Variants in POU3F3 observed in about 807,000 individuals in gnomAD.
POU3F3 encodes the protein POU domain, class 3, transcription factor 3.
In POU3F3, 1 loss-of-function variant was observed where a neutral mutation model predicts 8.6. The observed-to-expected ratio is 0.12, with a 90% CI of 0.04 to 0.55. The LOEUF (loss-of-function observed/expected upper bound fraction) is 0.55. Among genes scored for constraint, POU3F3 ranks in the 20% least tolerant of loss-of-function variants. POU3F3 has a pLI of 0.91. For missense variants in POU3F3, 577 were observed against 690.7 expected (o/e 0.84, Z 1.84); for synonymous variants, 418 against 327.4 (o/e 1.28, Z -2.99).
At chr2:104,858,621 T>C (rs1458853248), downstream of POU3F3, 6 of 152,232 alleles carry the variant, frequency 3.9e-5, no homozygotes, top group Admixed American at 3.9e-4. Context: ...AAAAGAGTTC[T>C]TTAAGAAATA....
rs1416914988 is a variant in POU3F3 at position 104,855,649 on chromosome 2, G to A, written c.139G>A (p.Gly47Arg). 18 of 1,000,150 alleles carry A rather than the reference G, an allele frequency of 1.8e-5. No individual in the cohort carries two copies. Among genetic ancestry groups the A allele is most frequent in the Non-Finnish European group, 2.1e-5 (18 of 839,306 alleles). 62.0% of individuals were successfully genotyped at this position (1,000,150 alleles called of 1,614,324 possible). ...GGGGGGGAGG[G>R]GGGMQPGSAA... ...CGGCGGCGGGGGCGGCGCAGGGGGCGGGGGCGGCGGCATGCAGCCGGGCAG... is the reference window on the plus strand; with the variant it reads ...CGGCGGCGGGGGCGGCGCAGGGGGCAGGGGCGGCGGCATGCAGCCGGGCAG... Residue 47 changes from glycine to arginine, a missense_variant, in exon 1 of 1, where the codon GGG (glycine) becomes AGG (arginine). Coordinates refer to ENST00000361360, the MANE Select transcript of POU3F3 (RefSeq NM_006236.3).
At chr2:104,872,738 G>A in the POU3F3 span, 4 of 204,822 alleles carry the variant, frequency 2.0e-5, no homozygotes, top group Non-Finnish European at 3.9e-5. The surrounding 1 kb of genome is among the most constrained non-coding windows in gnomAD (Gnocchi z 4.6). Flanking sequence ...CACAGCCAAG[G>A]AGAGGCACAA....
chr2:104,905,570 G>A, the POU3F3 span, among the ~76,000 whole-genome samples: 1 of 152,206 alleles, frequency 6.6e-6, no homozygotes, highest in Non-Finnish European at 1.5e-5. Flanking sequence ...CAACAGAAAT[G>A]TATTCTGCAA....
At chr2:104,873,248 C>G in the POU3F3 span, among the ~76,000 whole-genome samples, 1 of 152,178 alleles carries the variant, frequency 6.6e-6, no homozygotes, top group African/African-American at 2.4e-5. Flanking sequence ...CCGACCCGCA[C>G]GTCCGGGACC....
chr2:104,921,732 T>G, the POU3F3 span, among the ~76,000 whole-genome samples: 26 of 152,276 alleles, frequency 1.7e-4, no homozygotes, highest in African/African-American at 6.3e-4. Flanking sequence ...GCATGGTGGC[T>G]CATGCCTGTA....
the POU3F3 span, among the ~76,000 whole-genome samples, chr2:104,912,815 T>C: frequency 6.6e-6 from 1 of 152,200 alleles, no homozygotes; most frequent in East Asian, 1.9e-4. Context: ...GATGCCATGA[T>C]GTCAGCATCC....
At chr2:104,878,517 A>G in the POU3F3 span, among the ~76,000 whole-genome samples, 3 of 152,198 alleles carry the variant, frequency 2.0e-5, no homozygotes, top group Admixed American at 6.5e-5. Context: ...TTTATTCCAC[A>G]TTATGCTTTT....
the POU3F3 span, among the ~76,000 whole-genome samples, chr2:104,888,387 C>T: frequency 6.6e-6 from 1 of 152,172 alleles, no homozygotes; most frequent in African/African-American, 2.4e-5. Context: ...AGAAGGGCAG[C>T]TGGGACCTCA....
At chr2:104,883,932 A>G in the POU3F3 span, among the ~76,000 whole-genome samples, 1 of 152,130 alleles carries the variant, frequency 6.6e-6, no homozygotes, top group Non-Finnish European at 1.5e-5. Context: ...AGAACTAGGA[A>G]AGGGCAGGAA....
the POU3F3 span, among the ~76,000 whole-genome samples, chr2:104,882,306 G>A: frequency 6.7e-6 from 1 of 148,824 alleles, no homozygotes; most frequent in South Asian, 2.1e-4. Context: ...GAGTGCAGTG[G>A]TGTGATCTCG....
the POU3F3 span, among the ~76,000 whole-genome samples, chr2:104,871,306 A>T: frequency 4.6e-5 from 7 of 152,264 alleles, no homozygotes; most frequent in Admixed American, 1.3e-4. Context: ...AATAAGTTCA[A>T]CATTGACCAT....
chr2:104,912,393 C>T, the POU3F3 span, among the ~76,000 whole-genome samples: 89 of 152,284 alleles, frequency 5.8e-4, no homozygotes, highest in African/African-American at 2.1e-3. Flanking sequence ...TCCTTGCATT[C>T]CCACGCCAAA....
the POU3F3 span, among the ~76,000 whole-genome samples, chr2:104,888,974 A>T: frequency 1.3e-5 from 2 of 152,220 alleles, no homozygotes; most frequent in Non-Finnish European, 2.9e-5. Context: ...AATCTTGATG[A>T]TGCTTTTGAA....
Position 104,855,979 on chromosome 2 carries a change from G to A in POU3F3, c.469G>A (p.Asp157Asn), listed in dbSNP as rs1261963074. ...PDVKGGAGRD[D>N]LHAGTALHHR... ...CGTGAAGGGCGGCGCCGGGCGCGAC[G>A]ACCTGCACGCGGGCACAGCGCTGCA... Residue 157 changes from aspartate (D) to asparagine (N), a missense_variant, in exon 1 of 1, where the codon GAC (aspartate) becomes AAC (asparagine). This residue lies in a region of POU3F3 where 484 missense variants were observed against 422.6 expected (regional missense o/e 1.15). Coordinates refer to ENST00000361360, the MANE Select transcript of POU3F3 (RefSeq NM_006236.3). 4 of 1,033,786 alleles carry A rather than the reference G, an allele frequency of 3.9e-6. No individual in the cohort carries two copies. Among genetic ancestry groups the A allele is most frequent in the Non-Finnish European group, 4.6e-6 (4 of 863,038 alleles). 64.0% of individuals were successfully genotyped at this position (1,033,786 alleles called of 1,614,324 possible). A position where few individuals can be genotyped will look rare whatever the true frequency, so the allele number is the denominator to read the frequency against.
the POU3F3 span, among the ~76,000 whole-genome samples, chr2:104,914,733 C>G: frequency 6.6e-6 from 1 of 152,158 alleles, no homozygotes; most frequent in Non-Finnish European, 1.5e-5. Flanking sequence ...ATGATGTTCC[C>G]TGCAGAAGGG....
At chr2:104,905,183 T>C in the POU3F3 span, among the ~76,000 whole-genome samples, 1 of 152,204 alleles carries the variant, frequency 6.6e-6, no homozygotes, top group Non-Finnish European at 1.5e-5. Flanking sequence ...TCTCACATGA[T>C]TGATTTTGTT....
In POU3F3 at chr2:104,854,128, C is replaced by T. The variant is rs932545680; in HGVS notation, c.-1383C>T. On this transcript the variant is annotated 5_prime_UTR_variant, in exon 1 of 1. Coordinates refer to ENST00000361360, the MANE Select transcript of POU3F3 (RefSeq NM_006236.3). This position sits in a 1 kb window ranked among gnomAD's most constrained non-coding sequence, Gnocchi z 4.5. ...CGGAGGGTAAACATTCGACAGTCCC[C>T]GCTCTGAGAGGGAGGGACAGAGAGC... is the stretch of plus-strand genomic sequence containing the variant. Among the ~76,000 whole-genome samples, 1 of 152,068 alleles carries T rather than the reference C, an allele frequency of 6.6e-6. No homozygotes were observed. Among genetic ancestry groups the T allele is most frequent in the Non-Finnish European group, 1.5e-5 (1 of 68,022 alleles).
the POU3F3 span, among the ~76,000 whole-genome samples, chr2:104,878,213 CAGATTCTAAAGGTCAGAGTGGAA>C: frequency 6.6e-6 from 1 of 152,140 alleles, no homozygotes; most frequent in Non-Finnish European, 1.5e-5. Flanking sequence ...CTTAATCAGC[CAGATTCTAAAGGTCAGAGTGGAA>C]ACAAAAATCA....
At chr2:104,889,154 G>A in the POU3F3 span, among the ~76,000 whole-genome samples, 1 of 152,138 alleles carries the variant, frequency 6.6e-6, no homozygotes, top group Non-Finnish European at 1.5e-5. Flanking sequence ...ATCTTCAAAT[G>A]TACTCACAAA....
Sources: gnomAD v4.1 joint callset for allele counts (sites outside exome capture counted in the v4.1 genomes callset) on GRCh38, gnomAD v4.1.1 for gene constraint, gnomAD v4.1.1 regional missense constraint, Gnocchi (gnomAD v3.1) non-coding constraint, MANE v1.5 for transcripts, NCBI Gene and HGNC (gene_info 2026-07-23, HGNC 2026-07-21) for gene names.